The following CLEC1A variants were observed in gnomAD, a reference collection of about 807,000 sequenced individuals.
CLEC1A encodes C-type lectin-like receptor-1.
In CLEC1A, 34 loss-of-function variants were observed where a neutral mutation model predicts 28.7. That is an observed-to-expected ratio of 1.18 (90% confidence interval 0.90 to 1.57). The LOEUF (loss-of-function observed/expected upper bound fraction) is 1.57, where lower values mean the gene tolerates loss of function less well. CLEC1A is among the 40% of genes most tolerant of loss of function. The pLI is 0.00. For missense variants in CLEC1A, 385 were observed against 339.5 expected (o/e 1.13, Z -1.05); for synonymous variants, 116 against 121.0 (o/e 0.96, Z 0.27).
intron 5 of CLEC1A, among the ~76,000 whole-genome samples, chr12:10,071,858 T>C (rs1866143073): frequency 6.6e-6 from 1 of 152,232 alleles, no homozygotes; most frequent in South Asian, 2.1e-4. Flanking sequence ...ATATATCCTG[T>C]CTCCTGGGAG....
intron 1 of CLEC1A, among the ~76,000 whole-genome samples, chr12:10,096,401 T>C (rs12372259): frequency 0.76 from 114,859 of 152,062 alleles, 45,133 homozygotes; most frequent in Non-Finnish European, 0.88. Context: ...TCTTTTTCCT[T>C]ATTTTTACTA....
chr12:10,087,682 C>T (rs1431318920), intron 2 of CLEC1A, among the ~76,000 whole-genome samples: 5 of 150,258 alleles, frequency 3.3e-5, no homozygotes, highest in Non-Finnish European at 5.9e-5. Context: ...ACCACCATGC[C>T]TGGCTAAGTT....
At chr12:10,079,940 C>T (rs1013244161) in intron 3 of CLEC1A, among the ~76,000 whole-genome samples, 1 of 152,138 alleles carries the variant, frequency 6.6e-6, no homozygotes, top group Non-Finnish European at 1.5e-5. Flanking sequence ...CTCAGCCTGT[C>T]AAGTAGTGGA....
chr12:10,077,206 CTTCTT>C (rs1264427850), intron 3 of CLEC1A, among the ~76,000 whole-genome samples: 2 of 152,110 alleles, frequency 1.3e-5, no homozygotes, highest in African/African-American at 4.8e-5. Context: ...GATAGAGAAA[CTTCTT>C]TACTTTCTTA....
chr12:10,096,302 T>C (rs1477388465), intron 1 of CLEC1A, among the ~76,000 whole-genome samples: 1 of 152,140 alleles, frequency 6.6e-6, no homozygotes, highest in African/African-American at 2.4e-5. Context: ...CTAGTCAACC[T>C]ACCACCGAAG....
At chr12:10,071,793 C>T (rs1038821751) in intron 5 of CLEC1A, among the ~76,000 whole-genome samples, 1 of 152,188 alleles carries the variant, frequency 6.6e-6, no homozygotes, top group Non-Finnish European at 1.5e-5. Flanking sequence ...AAAAAGTTCT[C>T]TACCTTCTCT....
At chr12:10,090,301 G>A (rs765623542) in intron 1 of CLEC1A, among the ~76,000 whole-genome samples, 3 of 152,160 alleles carry the variant, frequency 2.0e-5, no homozygotes, top group Non-Finnish European at 4.4e-5. Flanking sequence ...TTCCAGGCTG[G>A]AGTGCAGTGG....
chr12:10,097,811 T>C (rs960025455), intron 1 of CLEC1A, among the ~76,000 whole-genome samples: 6 of 147,666 alleles, frequency 4.1e-5, no homozygotes, highest in African/African-American at 1.0e-4. Flanking sequence ...ATTACACATA[T>C]CCTGTGGCTA....
At chr12:10,080,577 T>C (rs1188473146) in intron 3 of CLEC1A, among the ~76,000 whole-genome samples, 1 of 152,166 alleles carries the variant, frequency 6.6e-6, no homozygotes. Context: ...ATTTCCTAAG[T>C]AAGCATGATA....
chr12:10,089,196 G>T lies in CLEC1A; in HGVS notation c.142C>A (p.Arg48=), dbSNP rs187876478. 2.1e-5 allele frequency: 34 copies of T among 1,613,962 alleles called. No individual in the cohort carries two copies. Among genetic ancestry groups the T allele is most frequent in the Admixed American group, 1.8e-4 (11 of 60,022 alleles). Residue 48 remains arginine (R), a synonymous_variant, in exon 2 of 6, where the codon CGA becomes AGA. Transcript: ENST00000315330. The part of the protein sequence containing the change: ...TEHRAPSSTW[R]PVALTLLTLC... ...GTCAGCAGGGTCAGGGCCACTGGTC[G>T]CCACGTTGAAGAGGGAGCCCTGTGC...
chr12:10,090,163 T>C (rs1445439265), intron 1 of CLEC1A, among the ~76,000 whole-genome samples: 4 of 152,222 alleles, frequency 2.6e-5, no homozygotes, highest in Non-Finnish European at 5.9e-5. Flanking sequence ...CCGTTAGTTC[T>C]ACTTCACTGA....
At chr12:10,089,253 G>T in intron 1 of CLEC1A, 31 bp from the exon 2 acceptor site, 1 of 1,580,572 alleles carries the variant, frequency 6.3e-7, no homozygotes, top group South Asian at 1.1e-5. Context: ...AGCAGAGTTT[G>T]GCTTTTTCTT....
At chr12:10,073,497 C>T (rs1866186092) in intron 4 of CLEC1A, 86 bp from the exon 5 acceptor site, 2 of 913,344 alleles carry the variant, frequency 2.2e-6, no homozygotes, top group Non-Finnish European at 3.5e-6. Flanking sequence ...CAGCACTTTT[C>T]TCAAAGCACA....
chr12:10,071,238 T>G lies in CLEC1A; in HGVS notation c.*95A>C. 3 of 1,179,836 alleles carry G rather than the reference T, an allele frequency of 2.5e-6. No homozygotes were observed. Among genetic ancestry groups the G allele is most frequent in the East Asian group, 2.4e-5 (1 of 42,242 alleles). 73.1% of individuals were successfully genotyped at this position (1,179,836 alleles called of 1,614,324 possible). ...CATTTTGTACTAGTCAGAGAGATAG[T>G]CTTTCCTGATTATGTTCCATTTCCC... On this transcript the variant is annotated 3_prime_UTR_variant, in exon 6 of 6. Transcript: ENST00000315330.
At chr12:10,080,332 G>T (rs1219032938) in intron 3 of CLEC1A, among the ~76,000 whole-genome samples, 1 of 151,874 alleles carries the variant, frequency 6.6e-6, no homozygotes, top group Non-Finnish European at 1.5e-5. Flanking sequence ...CCAAAAAAAG[G>T]AAAAAGAAAA....
intron 5 of CLEC1A, among the ~76,000 whole-genome samples, chr12:10,072,006 C>G (rs1157518499): frequency 7.9e-5 from 12 of 152,232 alleles, no homozygotes; most frequent in Non-Finnish European, 1.5e-5. Context: ...CTTTCCAAAT[C>G]TTAGTTGAAA....
chr12:10,090,099 A>C (rs1404672155), intron 1 of CLEC1A, among the ~76,000 whole-genome samples: 5 of 152,158 alleles, frequency 3.3e-5, no homozygotes, highest in African/African-American at 9.6e-5. Context: ...ACTGTGATAA[A>C]AATGAAACAA....
intron 3 of CLEC1A, among the ~76,000 whole-genome samples, chr12:10,080,610 A>T (rs551515421): frequency 6.6e-6 from 1 of 152,340 alleles, no homozygotes; most frequent in East Asian, 1.9e-4. Context: ...GAGAGAGCTG[A>T]CCTGAATAAA....
chr12:10,096,280 A>T (rs1947774990), intron 1 of CLEC1A, among the ~76,000 whole-genome samples: 1 of 152,118 alleles, frequency 6.6e-6, no homozygotes, highest in African/African-American at 2.4e-5. Context: ...TCTACATTAC[A>T]TCAAACAGAA....
Sources: gnomAD v4.1 joint callset for allele counts (sites outside exome capture counted in the v4.1 genomes callset) on GRCh38, gnomAD v4.1.1 for gene constraint, MANE v1.5 for transcripts, NCBI Gene and HGNC (gene_info 2026-07-23, HGNC 2026-07-21) for gene names.